The following PCDH7 variants were observed in gnomAD, a reference collection of about 807,000 sequenced individuals.
PCDH7 encodes the protein protocadherin-7.
PCDH7 carries 17 observed loss-of-function variants against 58.9 expected under a neutral mutation model. That is an observed-to-expected ratio of 0.29 (90% CI 0.20 to 0.43). PCDH7 has a LOEUF of 0.43. PCDH7 is among the 20% of genes least tolerant of loss of function. PCDH7 has a pLI of 1.00. For missense variants in PCDH7, 1,274 were observed against 1,441.0 expected (o/e 0.88, Z 1.88); for synonymous variants, 664 against 616.4 (o/e 1.08, Z -1.14).
intron 1 of PCDH7, among the ~76,000 whole-genome samples, chr4:30,850,350 C>T (rs1435707417): frequency 1.3e-5 from 2 of 152,044 alleles, no homozygotes; most frequent in Admixed American, 1.3e-4. Context: ...CTCCCTCTAC[C>T]TTCAATTTTA....
intron 1 of PCDH7, among the ~76,000 whole-genome samples, chr4:30,784,412 G>A (rs1267895585): frequency 6.6e-6 from 1 of 152,086 alleles, no homozygotes; most frequent in Non-Finnish European, 1.5e-5. Flanking sequence ...AAAAATAGAA[G>A]CCTGTTCTTA....
chr4:30,904,162 G>A (rs940906708), intron 1 of PCDH7, among the ~76,000 whole-genome samples: 1 of 152,028 alleles, frequency 6.6e-6, no homozygotes, highest in Non-Finnish European at 1.5e-5. Flanking sequence ...TACTATATAA[G>A]TTTTCTATTG....
chr4:30,966,064 A>C (rs902963082), intron 3 of PCDH7, among the ~76,000 whole-genome samples: 2 of 152,180 alleles, frequency 1.3e-5, no homozygotes, highest in African/African-American at 4.8e-5. Flanking sequence ...GTTTCTGACC[A>C]TCAACATTAT....
intron 1 of PCDH7, among the ~76,000 whole-genome samples, chr4:30,763,059 A>G (rs1276617050): frequency 6.6e-6 from 1 of 152,152 alleles, no homozygotes; most frequent in Non-Finnish European, 1.5e-5. Context: ...CCTGGCCAAC[A>G]TGGTGAAACC....
At chr4:30,835,517 A>G (rs1730378876) in intron 1 of PCDH7, among the ~76,000 whole-genome samples, 1 of 152,154 alleles carries the variant, frequency 6.6e-6, no homozygotes, top group African/African-American at 2.4e-5. Flanking sequence ...GTCTTCCAGG[A>G]AACCGGGTCC....
In PCDH7 at chr4:30,751,024, A is replaced by G. The variant is rs115219500; in HGVS notation, c.70+26428A>G. Among the ~76,000 whole-genome samples, 782 of 152,318 alleles carry G rather than the reference A, an allele frequency of 5.1e-3. 4 individuals are homozygous for G. Among genetic ancestry groups the G allele is most frequent in the Middle Eastern group, 0.037 (11 of 294 alleles). ...TTGTCCTGTGTTATGGTGCAGAAGC[A>G]GTGGACAATGAGGCCATAAAATGAG... On this transcript the variant is annotated intron_variant, in intron 1 of 3. Coordinates refer to the PCDH7 transcript ENST00000509759.
chr4:30,721,281 CCCCCTCCCT>C lies in PCDH7; in HGVS notation c.-131_-123del. ...CGGCCAACTCTCCACGCCGCTTTTGCCCCCTCCCTCCCCTCCCTCTCGCTCCTTCCTTTC... is the reference window on the plus strand; with the variant it reads ...CGGCCAACTCTCCACGCCGCTTTTGCCCCCTCCCTCTCGCTCCTTCCTTTC... On this transcript the variant is annotated 5_prime_UTR_variant, in exon 1 of 2. Coordinates refer to ENST00000361762, the Ensembl canonical transcript of PCDH7. The surrounding 1 kb of genome is among the most constrained non-coding windows in gnomAD (Gnocchi z 6.7). 1.2e-6 allele frequency: 1 copy of C among 816,148 alleles called. No homozygotes were observed. Among genetic ancestry groups the C allele is most frequent in the Non-Finnish European group, 1.8e-6 (1 of 550,288 alleles). 50.6% of individuals were successfully genotyped at this position (816,148 alleles called of 1,614,324 possible).
intron 1 of PCDH7, among the ~76,000 whole-genome samples, chr4:30,864,338 AT>A (rs1389658712): frequency 6.6e-6 from 1 of 151,960 alleles, no homozygotes; most frequent in Admixed American, 6.6e-5. Context: ...CCTTGAAAAA[AT>A]AGGGAATTTA....
At chr4:30,820,496 C>G (rs1035907848) in intron 1 of PCDH7, among the ~76,000 whole-genome samples, 2 of 151,976 alleles carry the variant, frequency 1.3e-5, no homozygotes, top group Non-Finnish European at 2.9e-5. Context: ...TGGCAGCAAA[C>G]AGTGAAAGAT....
chr4:31,083,156 T>C (rs1395812029), intron 3 of PCDH7, among the ~76,000 whole-genome samples: 1 of 152,034 alleles, frequency 6.6e-6, no homozygotes, highest in African/African-American at 2.4e-5. Flanking sequence ...TTAAGTACAA[T>C]GTACACTACT....
At position 31,049,229 on chromosome 4, in the gene PCDH7, T is replaced by C. The variant is rs1239233437; in HGVS notation, c.*8-93244T>C. Reference sequence around the variant, plus strand: ...GTGCTCTCATTGTTCAATTCCCACCTACGAGTGAGAACATGCGGTGTTTGG... The same window carrying C: ...GTGCTCTCATTGTTCAATTCCCACCCACGAGTGAGAACATGCGGTGTTTGG... On this transcript the variant is annotated intron_variant, in intron 3 of 3. Coordinates refer to the PCDH7 transcript ENST00000509759. Among the ~76,000 whole-genome samples the C allele has an allele frequency of 3.3e-5, 5 of 152,068 alleles. No individual in the cohort carries two copies. The East Asian group carries it at 9.7e-4, about 30-fold the overall frequency.
At chr4:30,726,493 C>T (rs1714633771) in intron 1 of PCDH7, among the ~76,000 whole-genome samples, 1 of 151,976 alleles carries the variant, frequency 6.6e-6, no homozygotes, top group African/African-American at 2.4e-5. Flanking sequence ...ATGAGGTTAG[C>T]TCTATATGCT....
intron 1 of PCDH7, among the ~76,000 whole-genome samples, chr4:30,914,214 G>A (rs961381602): frequency 2.0e-5 from 3 of 152,162 alleles, no homozygotes; most frequent in Non-Finnish European, 4.4e-5. Flanking sequence ...AAAAGTGTCA[G>A]CTCTAATGCA....
At chr4:30,975,613 T>G (rs1749998554) in intron 3 of PCDH7, among the ~76,000 whole-genome samples, 1 of 152,244 alleles carries the variant, frequency 6.6e-6, no homozygotes, top group African/African-American at 2.4e-5. Context: ...TTTTACTTGT[T>G]ACATGTATTC....
chr4:30,722,065 A>T lies in PCDH7; in HGVS notation c.643A>T (p.Ser215Cys). ...CCCCGGGGGCGGCGGGAACGGCGCG[A>T]GCGGCGGCGGCTCGGGAGGCTCCAA... Residue 215 changes from serine to cysteine, a missense_variant, in exon 1 of 2, where the codon AGC becomes TGC. By Grantham distance (112) the Ser-to-Cys change is moderately radical (BLOSUM62 -1). Around this residue, in one of 3 missense-constraint regions of PCDH7, gnomAD observed 331 missense variants for 303.2 expected, o/e 1.09. Transcript: ENST00000361762. This position sits in a 1 kb window ranked among gnomAD's most constrained non-coding sequence, Gnocchi z 7.6. 8.0e-7 allele frequency: 1 copy of T among 1,243,028 alleles called. No individual in the cohort carries two copies. Among genetic ancestry groups the T allele is most frequent in the Non-Finnish European group, 1.0e-6 (1 of 995,864 alleles). 77.0% of individuals were successfully genotyped at this position (1,243,028 alleles called of 1,614,324 possible). A position where few individuals can be genotyped will look rare whatever the true frequency, so the allele number is the denominator to read the frequency against.
chr4:31,060,255 T>G (rs1378802204), intron 3 of PCDH7, among the ~76,000 whole-genome samples: 1 of 151,796 alleles, frequency 6.6e-6, no homozygotes, highest in African/African-American at 2.4e-5. Flanking sequence ...TGTATGATAA[T>G]AAATTACTTC....
intron 2 of PCDH7, chr4:30,925,761 T>G (rs1743792095): frequency 1.3e-5 from 2 of 152,182 alleles, no homozygotes; most frequent in African/African-American, 2.4e-5. Context: ...TATAGAGAGA[T>G]GGATTATAGA....
At chr4:31,140,637 G>A (rs902508104) in intron 3 of PCDH7, among the ~76,000 whole-genome samples, 72 of 143,574 alleles carry the variant, frequency 5.0e-4, no homozygotes, top group African/African-American at 1.6e-3. Flanking sequence ...AAAGAAAAAA[G>A]GATCCCAAAA....
chr4:30,958,155 T>C (rs1199149877), intron 3 of PCDH7, among the ~76,000 whole-genome samples: 2 of 152,008 alleles, frequency 1.3e-5, no homozygotes, highest in African/African-American at 4.8e-5. Context: ...TTTTTAAAAA[T>C]ACTCTTAACT....
Sources: gnomAD v4.1 joint callset for allele counts (sites outside exome capture counted in the v4.1 genomes callset) on GRCh38, gnomAD v4.1.1 for gene constraint, gnomAD v4.1.1 regional missense constraint, Gnocchi (gnomAD v3.1) non-coding constraint, MANE v1.5 for transcripts, NCBI Gene and HGNC (gene_info 2026-07-23, HGNC 2026-07-21) for gene names.